FSTL4: variants seen among roughly 807,000 people sequenced by gnomAD.
FSTL4 encodes the protein follistatin like 4, also known as follistatin-related protein 4.
Under a neutral mutation model 78.2 loss-of-function variants are expected in FSTL4, and 28 were observed. That is an observed-to-expected ratio of 0.36 (90% CI 0.27 to 0.49). The LOEUF (loss-of-function observed/expected upper bound fraction) is 0.49, where lower values mean the gene tolerates loss of function less well. FSTL4 is among the 20% of genes least tolerant of loss of function. The pLI is 0.98. For missense variants in FSTL4, 922 were observed against 1,084.9 expected, an observed-to-expected ratio of 0.85 and a Z score of 2.11; for synonymous variants, 422 against 440.5, an observed-to-expected ratio of 0.96 and a Z score of 0.53.
In FSTL4 at chr5:133,228,484, T is replaced by G. The variant is rs76537285; in HGVS notation, c.1016-2665A>C. ...AGAGAATGCAAAAAAGACTACACAC[T>G]GATCTCACTTAGGACGTGATACACC... On this transcript the variant is annotated intron_variant, in intron 8 of 15. Transcript: ENST00000265342. Among the ~76,000 whole-genome samples the G allele has an allele frequency of 5.0e-3, 766 of 152,304 alleles. 9 individuals carry two copies. Among genetic ancestry groups the G allele is most frequent in the African/African-American group, 0.018 (740 of 41,564 alleles).
At chr5:133,692,642 A>T in the FSTL4 span, among the ~76,000 whole-genome samples, 1 of 152,230 alleles carries the variant, frequency 6.6e-6, no homozygotes. Flanking sequence ...TACAAATTCC[A>T]TGTTCTCTGA....
chr5:133,210,340 G>T lies in FSTL4; in HGVS notation c.1609-42C>A, dbSNP rs373493143. ...GACATGTTGTGAAAGCTGACATGATGGTCATTTCTGGGCGTTGTATGCATG... is the reference window on the plus strand; with the variant it reads ...GACATGTTGTGAAAGCTGACATGATTGTCATTTCTGGGCGTTGTATGCATG... On this transcript the variant is annotated intron_variant, in intron 13 of 15. Coordinates refer to ENST00000265342, the MANE Select transcript of FSTL4 (RefSeq NM_015082.2). 4.3e-4 allele frequency: 495 copies of T among 1,157,154 alleles called. 1 individual carries two copies. The highest frequency in any genetic ancestry group is 5.8e-4 in the Non-Finnish European group (446 of 765,362). 71.7% of individuals were successfully genotyped at this position (1,157,154 alleles called of 1,614,324 possible).
intron 3 of FSTL4, among the ~76,000 whole-genome samples, chr5:133,438,106 C>T (rs1757073911): frequency 6.6e-6 from 1 of 152,148 alleles, no homozygotes; most frequent in South Asian, 2.1e-4. Context: ...TTAGGTGGAG[C>T]ATGACTTGAA....
intron 6 of FSTL4, among the ~76,000 whole-genome samples, chr5:133,296,521 A>G (rs1037166968): frequency 3.3e-5 from 5 of 152,122 alleles, no homozygotes; most frequent in African/African-American, 1.2e-4. Flanking sequence ...CCAGCTTCCC[A>G]TACCACTCCT....
chr5:133,499,909 A>C (rs1758454558), intron 3 of FSTL4, among the ~76,000 whole-genome samples: 1 of 152,150 alleles, frequency 6.6e-6, no homozygotes, highest in Non-Finnish European at 1.5e-5. Context: ...TATGTATTTA[A>C]TGGCCCGCTC....
chr5:133,264,425 A>C (rs1752600416), intron 6 of FSTL4, among the ~76,000 whole-genome samples: 1 of 151,954 alleles, frequency 6.6e-6, no homozygotes, highest in Non-Finnish European at 1.5e-5. Flanking sequence ...GTCATTCCTC[A>C]TCCTGAGCTC....
chr5:133,354,579 C>T (rs956890600), intron 4 of FSTL4, among the ~76,000 whole-genome samples: 6 of 152,146 alleles, frequency 3.9e-5, no homozygotes, highest in Admixed American at 3.9e-4. Flanking sequence ...TCAATGAGAC[C>T]ACGTAAGCTC....
rs2126786812 is a variant in FSTL4, at chr5:133,220,794, TCA to T, written c.1410_1411del (p.Cys470Ter). ...CGTGGGTTTGAGGTGCCTCTGGATC[TCA>T]CAGTCCACAGGATGGATGACGATGA... On this transcript the variant is annotated stop_gained and frameshift_variant, in exon 12 of 16. Coordinates refer to ENST00000265342, the MANE Select transcript of FSTL4 (RefSeq NM_015082.2). LOFTEE classifies it high-confidence loss of function. The T allele has an allele frequency of 1.9e-6, 3 of 1,611,500 alleles. No homozygotes were observed. Among genetic ancestry groups the T allele is most frequent in the Non-Finnish European group, 2.5e-6 (3 of 1,177,578 alleles).
intron 3 of FSTL4, among the ~76,000 whole-genome samples, chr5:133,500,077 T>C (rs1240229257): frequency 6.6e-6 from 1 of 151,988 alleles, no homozygotes; most frequent in Non-Finnish European, 1.5e-5. Context: ...GCTACAGGAG[T>C]AGAGCAGGAG....
At chr5:133,767,478 G>C in the FSTL4 span, among the ~76,000 whole-genome samples, 1 of 152,218 alleles carries the variant, frequency 6.6e-6, no homozygotes. Context: ...GTTGGGTCCT[G>C]ATTGTGGAGA....
At chr5:133,625,425 C>T in the FSTL4 span, among the ~76,000 whole-genome samples, 4 of 151,078 alleles carry the variant, frequency 2.6e-5, no homozygotes, top group African/African-American at 7.3e-5. Flanking sequence ...CTACCTTATT[C>T]TTTGTTTGAT....
the FSTL4 span, among the ~76,000 whole-genome samples, chr5:133,743,647 G>A: frequency 1.3e-5 from 2 of 152,322 alleles, no homozygotes; most frequent in Admixed American, 6.5e-5. Context: ...CAAATAAATG[G>A]TAGCCACTGC....
intron 4 of FSTL4, among the ~76,000 whole-genome samples, chr5:133,320,857 A>G (rs1191532692): frequency 6.6e-6 from 1 of 151,982 alleles, no homozygotes; most frequent in Admixed American, 6.6e-5. Context: ...AATACAAAAA[A>G]TTAGCCAGGC....
At chr5:133,593,135 T>C (rs796326926) in intron 2 of FSTL4, among the ~76,000 whole-genome samples, 1 of 152,092 alleles carries the variant, frequency 6.6e-6, no homozygotes, top group African/African-American at 2.4e-5. Context: ...GTCACCCACA[T>C]AGGATAGACA....
intron 7 of FSTL4, among the ~76,000 whole-genome samples, chr5:133,240,016 A>G (rs748483400): frequency 5.1e-4 from 77 of 152,320 alleles, no homozygotes; most frequent in African/African-American, 1.0e-3. Context: ...CTTTCCACGC[A>G]GTGGAAGCTT....
chr5:133,216,319 G>T (rs1389541032), intron 13 of FSTL4, among the ~76,000 whole-genome samples: 1 of 152,092 alleles, frequency 6.6e-6, no homozygotes, highest in Non-Finnish European at 1.5e-5. Context: ...GAGACAGAGT[G>T]TTGCTCTGCT....
intron 6 of FSTL4, among the ~76,000 whole-genome samples, chr5:133,309,185 C>T (rs150572400): frequency 1.5e-3 from 234 of 151,750 alleles, no homozygotes; most frequent in African/African-American, 5.2e-3. Context: ...ACCCTGGAGC[C>T]TGGGTCTCTG....
At chr5:133,293,170 C>T (rs568924453) in intron 6 of FSTL4, among the ~76,000 whole-genome samples, 2 of 152,336 alleles carry the variant, frequency 1.3e-5, no homozygotes, top group East Asian at 1.9e-4. Context: ...CCATCTTGGC[C>T]CTGTGGCGAA....
intron 2 of FSTL4, among the ~76,000 whole-genome samples, chr5:133,598,749 G>A (rs1056855618): frequency 5.3e-5 from 8 of 152,104 alleles, no homozygotes; most frequent in Non-Finnish European, 7.3e-5. Context: ...GACCATTCTC[G>A]CCTCTTGCTG....
Sources: allele counts gnomAD v4.1 joint callset (sites outside exome capture counted in the v4.1 genomes callset), GRCh38; gene constraint gnomAD v4.1.1; transcripts MANE v1.5; gene names NCBI Gene and HGNC (gene_info 2026-07-23, HGNC 2026-07-21).